Variants in PFDN1 observed in about 807,000 individuals in gnomAD.
PFDN1 encodes prefoldin 1.
PFDN1 carries 6 observed loss-of-function variants against 17.3 expected under a neutral mutation model. That is an observed-to-expected ratio of 0.35 (90% CI 0.19 to 0.69). The LOEUF is 0.69. Ranked by LOEUF, PFDN1 falls within the 30% of genes least tolerant of loss-of-function variation. The probability of loss-of-function intolerance (pLI) is 0.65; values close to 1 mark genes in which losing one functional copy is unlikely to be tolerated. For synonymous variants in PFDN1, 58 were observed against 50.1 expected, an observed-to-expected ratio of 1.16 and a Z score of -0.67; for missense variants, 113 against 146.2, an observed-to-expected ratio of 0.77 and a Z score of 1.17.
chr5:140,287,761 T>C (rs1765519410), intron 2 of PFDN1, among the ~76,000 whole-genome samples: 1 of 152,132 alleles, frequency 6.6e-6, no homozygotes. Context: ...CAAACGACCA[T>C]ATTTAAAACA....
At chr5:140,280,320 T>C (rs1765380956) in intron 3 of PFDN1, among the ~76,000 whole-genome samples, 1 of 152,204 alleles carries the variant, frequency 6.6e-6, no homozygotes, top group Non-Finnish European at 1.5e-5. Flanking sequence ...TTGTTTCTTA[T>C]GAGTGAAAAC....
intron 3 of PFDN1, among the ~76,000 whole-genome samples, chr5:140,261,737 C>A (rs1045698661): frequency 1.1e-4 from 17 of 152,056 alleles, no homozygotes; most frequent in Non-Finnish European, 1.6e-4. Context: ...ATAGTGACAC[C>A]TGTCAATATC....
intron 3 of PFDN1, among the ~76,000 whole-genome samples, chr5:140,280,013 A>AAG (rs751183474): frequency 9.6e-6 from 1 of 104,066 alleles, no homozygotes; most frequent in Non-Finnish European, 1.9e-5. Flanking sequence ...AAAAAAAAAA[A>AAG]CAAAAAAAGA....
In PFDN1 at chr5:140,257,745, C is replaced by G. The variant is rs541392173; in HGVS notation, c.286-11688G>C. Among the ~76,000 whole-genome samples the G allele has an allele frequency of 4.3e-4, 65 of 152,340 alleles. 1 individual carries two copies. The South Asian group carries it at 0.013, about 31-fold the overall frequency. On this transcript the variant is annotated intron_variant, in intron 3 of 3. Transcript: ENST00000261813. ...ACCAACAGGTATTGGGCACTCAGCACTCCAAAGAGCACCAACAGTAGAGAA... is the reference window on the plus strand; with the variant it reads ...ACCAACAGGTATTGGGCACTCAGCAGTCCAAAGAGCACCAACAGTAGAGAA...
rs1764825583 is a variant in PFDN1, at chr5:140,246,073, C to A, written c.286-16G>T. ...ACTTTTTCTGCTGCAATATGAGAGA[C>A]AGACAAAGGTTAGGACCAGAGTGAA... On this transcript the variant is annotated splice_polypyrimidine_tract_variant and intron_variant, in intron 3 of 3. Transcript: ENST00000261813. 1.3e-6 allele frequency: 2 copies of A among 1,495,672 alleles called. No individual in the cohort carries two copies. Among genetic ancestry groups the A allele is most frequent in the African/African-American group, 1.4e-5 (1 of 72,134 alleles). 92.7% of individuals were successfully genotyped at this position (1,495,672 alleles called of 1,614,324 possible).
At chr5:140,300,310 T>G in intron 2 of PFDN1, 106 bp downstream of exon 2, 89 of 788,452 alleles carry the variant, frequency 1.1e-4, no homozygotes, top group Non-Finnish European at 1.7e-4. Context: ...ATTACAGGCA[T>G]GAGCCACCAC....
chr5:140,265,523 T>C (rs1206835177), intron 3 of PFDN1, among the ~76,000 whole-genome samples: 1 of 152,182 alleles, frequency 6.6e-6, no homozygotes, highest in Admixed American at 6.5e-5. Flanking sequence ...TCCAACTGTC[T>C]ATTCAACATC....
In PFDN1 at chr5:140,252,727, G is replaced by C. The variant is rs375753366; in HGVS notation, c.286-6670C>G. Among the ~76,000 whole-genome samples, 13 of 152,268 alleles carry C rather than the reference G, an allele frequency of 8.5e-5. No individual in the cohort carries two copies. In the East Asian group the frequency reaches 2.1e-3, roughly 25 times the overall value. ...GAAGCATGTTTTGATGGGGGACAAG[G>C]TTGGTAGAAGGCAGGGGAAACAAGA... is the stretch of plus-strand genomic sequence containing the variant. On this transcript the variant is annotated intron_variant, in intron 3 of 3. Transcript: ENST00000261813.
intron 3 of PFDN1, among the ~76,000 whole-genome samples, chr5:140,259,566 TTCAGTTTGTCC>T (rs1252567100): frequency 1.3e-5 from 2 of 152,218 alleles, no homozygotes; most frequent in Non-Finnish European, 2.9e-5. Flanking sequence ...GTGCCAATAT[TTCAGTTTGTCC>T]TCAGTTTGTC....
chr5:140,274,511 C>T (rs1024895970), intron 3 of PFDN1, among the ~76,000 whole-genome samples: 1 of 152,128 alleles, frequency 6.6e-6, no homozygotes, highest in African/African-American at 2.4e-5. Flanking sequence ...ACTAAAGCCA[C>T]GATTTTGTAT....
intron 3 of PFDN1, among the ~76,000 whole-genome samples, chr5:140,270,716 G>C (rs1765194258): frequency 6.6e-6 from 1 of 152,174 alleles, no homozygotes. Context: ...ACGGGGTCAG[G>C]AGATCAAGAC....
intron 3 of PFDN1, among the ~76,000 whole-genome samples, chr5:140,276,271 T>A (rs552198898): frequency 6.6e-6 from 1 of 152,034 alleles, no homozygotes; most frequent in Non-Finnish European, 1.5e-5. Flanking sequence ...ATCCCTACAA[T>A]GTGCTAAGAA....
chr5:140,289,743 A>T (rs1765551195), intron 2 of PFDN1, among the ~76,000 whole-genome samples: 1 of 152,114 alleles, frequency 6.6e-6, no homozygotes, highest in Non-Finnish European at 1.5e-5. Flanking sequence ...ACATGGCCCA[A>T]ATTAAACTCA....
intron 3 of PFDN1, among the ~76,000 whole-genome samples, chr5:140,252,861 G>A (rs750000179): frequency 3.9e-5 from 6 of 152,222 alleles, no homozygotes; most frequent in African/African-American, 7.2e-5. Context: ...GAGCCCTGAG[G>A]GCACATGTGC....
intron 2 of PFDN1, among the ~76,000 whole-genome samples, chr5:140,290,970 G>C (rs1478122864): frequency 6.6e-6 from 1 of 152,182 alleles, no homozygotes; most frequent in East Asian, 1.9e-4. Context: ...TGCTGGTTAG[G>C]TGTATACTTT....
intron 2 of PFDN1, among the ~76,000 whole-genome samples, chr5:140,291,393 A>AT (rs1765579401): frequency 6.6e-6 from 1 of 152,182 alleles, no homozygotes; most frequent in African/African-American, 2.4e-5. Context: ...TGACTCCAAG[A>AT]TTTGGAAGAA....
intron 2 of PFDN1, among the ~76,000 whole-genome samples, chr5:140,286,637 G>T: frequency 9.5e-6 from 1 of 105,682 alleles, no homozygotes; most frequent in Non-Finnish European, 1.8e-5. Flanking sequence ...AGACAGTCTT[G>T]CTCTGTTGCC....
At chr5:140,286,397 G>GT (rs1449023751) in intron 2 of PFDN1, among the ~76,000 whole-genome samples, 1 of 118,660 alleles carries the variant, frequency 8.4e-6, no homozygotes, top group Non-Finnish European at 1.7e-5. Context: ...GGGTGACAGA[G>GT]TGAGACTCTG....
intron 3 of PFDN1, among the ~76,000 whole-genome samples, chr5:140,275,454 G>C (rs960092626): frequency 6.0e-5 from 9 of 151,128 alleles, no homozygotes; most frequent in African/African-American, 1.5e-4. Flanking sequence ...CTGCTAATAA[G>C]GAATATGACT....
Sources: allele counts gnomAD v4.1 joint callset (sites outside exome capture counted in the v4.1 genomes callset), GRCh38; gene constraint gnomAD v4.1.1; transcripts MANE v1.5; gene names NCBI Gene and HGNC (gene_info 2026-07-23, HGNC 2026-07-21).